NDST4: variants seen among roughly 807,000 people sequenced by gnomAD.
NDST4 encodes the protein N-heparan sulfate sulfotransferase 4.
Under a neutral mutation model 100.8 loss-of-function variants are expected in NDST4, and 63 were observed. The ratio of observed to expected loss-of-function variants is 0.62; its 90% CI spans 0.51 to 0.77. The LOEUF (loss-of-function observed/expected upper bound fraction) is 0.77. Among genes scored for constraint, NDST4 ranks in the 30% least tolerant of loss-of-function variants. NDST4 has a pLI of 0.00. For synonymous variants in NDST4, 377 were observed against 361.8 expected (o/e 1.04, Z -0.48); for missense variants, 943 against 1,018.4 (o/e 0.93, Z 1.01).
At chr4:114,886,368 C>T (rs1724477544) in intron 6 of NDST4, among the ~76,000 whole-genome samples, 1 of 152,090 alleles carries the variant, frequency 6.6e-6, no homozygotes, top group African/African-American at 2.4e-5. Flanking sequence ...ACTTCAAATA[C>T]TTCAAAGTAT....
At chr4:114,989,793 C>T (rs1726996291) in intron 2 of NDST4, among the ~76,000 whole-genome samples, 1 of 152,212 alleles carries the variant, frequency 6.6e-6, no homozygotes, top group South Asian at 2.1e-4. Flanking sequence ...GTTTCTAGAA[C>T]TCTTAATATC....
chr4:115,057,089 C>A (rs1046527901), intron 2 of NDST4, among the ~76,000 whole-genome samples: 11 of 151,856 alleles, frequency 7.2e-5, no homozygotes, highest in Admixed American at 7.2e-4. Flanking sequence ...GTAAGTAATT[C>A]GACATTATAT....
chr4:115,016,493 G>C (rs1727679516), intron 2 of NDST4, among the ~76,000 whole-genome samples: 1 of 152,064 alleles, frequency 6.6e-6, no homozygotes, highest in African/African-American at 2.4e-5. Flanking sequence ...TCCAAATGGA[G>C]AAATACTTCC....
chr4:115,107,664 A>C (rs1426974737), intron 1 of NDST4, among the ~76,000 whole-genome samples: 1 of 151,926 alleles, frequency 6.6e-6, no homozygotes, highest in Non-Finnish European at 1.5e-5. Context: ...TGGGGTCTTT[A>C]TTTATTTACT....
chr4:114,867,352 C>T (rs1350982625), intron 7 of NDST4, among the ~76,000 whole-genome samples: 1 of 152,124 alleles, frequency 6.6e-6, no homozygotes, highest in Non-Finnish European at 1.5e-5. Context: ...AAGGGATTAA[C>T]CACCTAAGGT....
chr4:114,874,011 T>A (rs1454319402), intron 6 of NDST4, among the ~76,000 whole-genome samples: 1 of 152,150 alleles, frequency 6.6e-6, no homozygotes, highest in Non-Finnish European at 1.5e-5. Flanking sequence ...TGCATTCACA[T>A]TGTTGTATAA....
At chr4:114,983,564 C>G (rs539047883) in intron 2 of NDST4, among the ~76,000 whole-genome samples, 2 of 152,118 alleles carry the variant, frequency 1.3e-5, no homozygotes, top group African/African-American at 4.8e-5. Context: ...TGCATTGTAT[C>G]TTGGAAGTAA....
intron 2 of NDST4, among the ~76,000 whole-genome samples, chr4:114,986,457 C>A (rs1003707840): frequency 2.6e-5 from 4 of 152,198 alleles, no homozygotes; most frequent in Middle Eastern, 3.4e-3. Context: ...AGACGAGCTT[C>A]TGCTTCTGTT....
chr4:114,948,824 T>C (rs1044175661), intron 4 of NDST4, among the ~76,000 whole-genome samples: 40 of 152,068 alleles, frequency 2.6e-4, no homozygotes, highest in African/African-American at 8.2e-4. Context: ...CTGAAGATGT[T>C]CAGCTACTAT....
intron 2 of NDST4, among the ~76,000 whole-genome samples, chr4:114,995,807 A>G (rs186842833): frequency 4.5e-4 from 69 of 152,218 alleles, no homozygotes; most frequent in South Asian, 1.4e-3. Flanking sequence ...CAACTCAGTA[A>G]AGATTTAAAG....
chr4:115,066,470 C>A (rs1450711276), intron 2 of NDST4, among the ~76,000 whole-genome samples: 1 of 152,076 alleles, frequency 6.6e-6, no homozygotes, highest in Non-Finnish European at 1.5e-5. Context: ...TTAACTGTAT[C>A]CTGTACAGTA....
intron 6 of NDST4, among the ~76,000 whole-genome samples, chr4:114,887,359 T>C (rs767372054): frequency 6.6e-6 from 1 of 152,184 alleles, no homozygotes; most frequent in Non-Finnish European, 1.5e-5. Context: ...CCTGTGACTT[T>C]TGAATCTGAA....
At chr4:114,884,174 A>C (rs775977889) in intron 6 of NDST4, among the ~76,000 whole-genome samples, 23 of 152,106 alleles carry the variant, frequency 1.5e-4, no homozygotes, top group Non-Finnish European at 2.2e-4. Flanking sequence ...GACTTTGCAC[A>C]CTCACACATA....
chr4:115,076,128 G>A lies in NDST4; in HGVS notation c.909C>T (p.Tyr303=). The A allele has an allele frequency of 6.2e-7, 1 of 1,613,872 alleles. No homozygotes were observed. Among genetic ancestry groups the A allele is most frequent in the Non-Finnish European group, 8.5e-7 (1 of 1,179,900 alleles). ...GKRLTLSLDR[Y]ILVDIDDIFV... ...ATATATCATCAATGTCCACAAGGAT[G>A]TACCTGTCCAAGGACAATGTCAGCC... is the stretch of plus-strand genomic sequence containing the variant. The change falls in exon 2 of 14, where the codon TAC becomes TAT. Residue 303 remains tyrosine, a synonymous_variant. Transcript: ENST00000264363.
intron 6 of NDST4, among the ~76,000 whole-genome samples, chr4:114,912,353 T>C (rs558399025): frequency 6.6e-6 from 1 of 152,308 alleles, no homozygotes; most frequent in East Asian, 1.9e-4. Context: ...TCTTCTTTTC[T>C]ACTCAAATCC....
intron 2 of NDST4, among the ~76,000 whole-genome samples, chr4:115,027,020 A>G (rs141298398): frequency 1.0e-3 from 157 of 152,262 alleles, no homozygotes; most frequent in South Asian, 2.7e-3. Context: ...GCTTGGGATG[A>G]TAGAAAAAAG....
chr4:115,055,860 A>G (rs59408248), intron 2 of NDST4, among the ~76,000 whole-genome samples: 1,781 of 152,224 alleles, frequency 0.012, 35 homozygotes, highest in African/African-American at 0.041. Flanking sequence ...TGCAGCAGAT[A>G]ATCCCATATT....
chr4:115,071,426 A>G (rs1437560829), intron 2 of NDST4, among the ~76,000 whole-genome samples: 2 of 152,140 alleles, frequency 1.3e-5, no homozygotes, highest in Admixed American at 6.6e-5. Context: ...GAGTCCAGTT[A>G]CAAACATAAC....
intron 5 of NDST4, among the ~76,000 whole-genome samples, chr4:114,935,854 G>A (rs995575825): frequency 6.6e-6 from 1 of 151,994 alleles, no homozygotes; most frequent in Non-Finnish European, 1.5e-5. Flanking sequence ...ATTACTTCTG[G>A]TATATTTTGT....
Sources: allele counts gnomAD v4.1 joint callset (sites outside exome capture counted in the v4.1 genomes callset), GRCh38; gene constraint gnomAD v4.1.1; transcripts MANE v1.5; gene names NCBI Gene and HGNC (gene_info 2026-07-23, HGNC 2026-07-21).